Variants in TDRD7 observed in about 807,000 individuals in gnomAD.
TDRD7 encodes the protein tudor domain-containing protein 7.
TDRD7 carries 47 observed loss-of-function variants against 109.8 expected under a neutral mutation model. The ratio of observed to expected loss-of-function variants is 0.43; its 90% CI spans 0.34 to 0.55. TDRD7 has a LOEUF of 0.55. Ranked by LOEUF, TDRD7 falls within the 20% of genes least tolerant of loss-of-function variation. The probability of loss-of-function intolerance (pLI) is 0.03; values close to 1 mark genes in which losing one functional copy is unlikely to be tolerated. For missense variants in TDRD7, 1,164 were observed against 1,319.2 expected, an observed-to-expected ratio of 0.88 and a Z score of 1.82; for synonymous variants, 424 against 457.3, an observed-to-expected ratio of 0.93 and a Z score of 0.93.
rs909905047 is a variant in TDRD7, at chr9:97,481,247, A to G, written c.2412+309A>G. On this transcript the variant is annotated intron_variant, in intron 14 of 16. Transcript: ENST00000355295. ...TTCATGATAAGGGATTAAGTCCCCAACAGAGGGACCACAGATCTCTTGATA... is the reference window on the plus strand; with the variant it reads ...TTCATGATAAGGGATTAAGTCCCCAGCAGAGGGACCACAGATCTCTTGATA... 3.9e-5 allele frequency among the ~76,000 whole-genome samples: 6 copies of G among 152,242 alleles called. No homozygotes were observed. In the South Asian group the frequency reaches 1.2e-3, roughly 32 times the overall value.
chr9:97,435,661 A>G (rs918583910), intron 4 of TDRD7, among the ~76,000 whole-genome samples: 1 of 152,030 alleles, frequency 6.6e-6, no homozygotes, highest in Non-Finnish European at 1.5e-5. Flanking sequence ...TATTTTAATT[A>G]AAGACTGCTT....
At chr9:97,470,800 C>A in intron 9 of TDRD7, 131 bp downstream of exon 9, 1 of 688,628 alleles carries the variant, frequency 1.5e-6, no homozygotes, top group Non-Finnish European at 2.6e-6. Context: ...GGTTTAAATT[C>A]ATGTCGAATG....
intron 16 of TDRD7, among the ~76,000 whole-genome samples, chr9:97,494,351 T>C (rs1185774985): frequency 6.6e-6 from 1 of 152,234 alleles, no homozygotes; most frequent in Non-Finnish European, 1.5e-5. Context: ...GGGCATTCTT[T>C]GCATCAGTGC....
rs1255004464 is a variant in TDRD7 at position 97,412,559 on chromosome 9, A to G, written c.-7+321A>G. ...TCGGAAGCTCTGCGCCGTGGGGGAA[A>G]TGCAGCAGCGGGGTGTGGACGCGGG... is the stretch of plus-strand genomic sequence containing the variant. On this transcript the variant is annotated intron_variant, in intron 1 of 16. Transcript: ENST00000355295. The surrounding 1 kb of genome is among the most constrained non-coding windows in gnomAD (Gnocchi z 4.3). Among the ~76,000 whole-genome samples, 1 of 152,130 alleles carries G rather than the reference A, an allele frequency of 6.6e-6. No individual in the cohort carries two copies. The highest frequency in any genetic ancestry group is 2.4e-5 in the African/African-American group (1 of 41,422).
chr9:97,477,490 T>C (rs1453566899), intron 12 of TDRD7, among the ~76,000 whole-genome samples: 1 of 152,190 alleles, frequency 6.6e-6, no homozygotes, highest in Non-Finnish European at 1.5e-5. Flanking sequence ...TAAATTTAGG[T>C]TATGCATTTT....
intron 6 of TDRD7, among the ~76,000 whole-genome samples, chr9:97,448,637 T>G (rs1050448872): frequency 6.6e-6 from 1 of 152,192 alleles, no homozygotes; most frequent in Non-Finnish European, 1.5e-5. Flanking sequence ...TTCTTTGTTG[T>G]TTTTGTTTGT....
chr9:97,490,735 T>G (rs1056459456), intron 16 of TDRD7, among the ~76,000 whole-genome samples: 3 of 144,062 alleles, frequency 2.1e-5, no homozygotes, highest in Admixed American at 6.8e-5. Context: ...TTTTGTTCTG[T>G]TTTTTTTTTC....
intron 16 of TDRD7, among the ~76,000 whole-genome samples, chr9:97,491,455 A>G (rs750892741): frequency 6.6e-6 from 1 of 152,106 alleles, no homozygotes; most frequent in Non-Finnish European, 1.5e-5. Flanking sequence ...TATCACTTGT[A>G]GTTCTTTGTT....
intron 9 of TDRD7, among the ~76,000 whole-genome samples, chr9:97,471,530 A>G: frequency 6.6e-6 from 1 of 152,234 alleles, no homozygotes; most frequent in East Asian, 1.9e-4. Flanking sequence ...AGAAAAGTTC[A>G]AAGTTATATG....
At chr9:97,430,015 A>G (rs571782958) in intron 2 of TDRD7, among the ~76,000 whole-genome samples, 1 of 152,236 alleles carries the variant, frequency 6.6e-6, no homozygotes, top group Non-Finnish European at 1.5e-5. Flanking sequence ...TTCTTGTAAT[A>G]TAGTCTCAGA....
intron 16 of TDRD7, among the ~76,000 whole-genome samples, chr9:97,491,455 A>T (rs750892741): frequency 2.0e-5 from 3 of 152,106 alleles, no homozygotes; most frequent in Admixed American, 1.3e-4. Context: ...TATCACTTGT[A>T]GTTCTTTGTT....
intron 1 of TDRD7, among the ~76,000 whole-genome samples, chr9:97,425,004 C>G (rs1315630305): frequency 3.9e-5 from 6 of 152,046 alleles, no homozygotes; most frequent in Non-Finnish European, 8.8e-5. Flanking sequence ...TTATCATAGT[C>G]AGCTTTCAAA....
In TDRD7 at chr9:97,439,306, A is replaced by G; in HGVS notation, c.625A>G (p.Lys209Glu). Residue 209 changes from lysine to glutamate, a missense_variant, in exon 5 of 17, where the codon AAG becomes GAG. Coordinates refer to ENST00000355295, the MANE Select transcript of TDRD7 (RefSeq NM_014290.3). ...GATGCATCTCTCAAGAACCTCTACT[A>G]AGGAAATGAGTGGTATGTTTTCCAA... ...LQMHLSRTST[K>E]EMSDNLNQTV... 1 of 1,603,372 alleles carries G rather than the reference A, an allele frequency of 6.2e-7. No homozygotes were observed. The highest frequency in any genetic ancestry group is 1.7e-5 in the Admixed American group (1 of 59,948).
chr9:97,470,631 G>C lies in TDRD7; in HGVS notation c.1703G>C (p.Cys568Ser). The C allele has an allele frequency of 6.2e-7, 1 of 1,613,878 alleles. No homozygotes were observed. The change falls in exon 9 of 17, where the codon TGT (cysteine) becomes TCT (serine). Residue 568 changes from cysteine to serine, a missense_variant. Physicochemically the swap from Cys to Ser is moderately radical, Grantham distance 112 (BLOSUM62 -1). Around this residue, in one of 5 missense-constraint regions of TDRD7, gnomAD observed 261 missense variants for 336.2 expected, o/e 0.78. Coordinates refer to ENST00000355295, the MANE Select transcript of TDRD7 (RefSeq NM_014290.3). ...SKAYKLNPKF[C>S]SLSFQATKCK... ...GCATACAAATTAAACCCGAAGTTTT[G>C]TTCACTCTCATTTCAAGCTACAAAA...
intron 4 of TDRD7, among the ~76,000 whole-genome samples, chr9:97,432,909 A>G (rs927413306): frequency 7.9e-5 from 12 of 152,212 alleles, no homozygotes; most frequent in Admixed American, 4.6e-4. Context: ...TTATTAGAAC[A>G]TGGCCATTTT....
chr9:97,435,995 C>T (rs576217168), intron 4 of TDRD7, among the ~76,000 whole-genome samples: 2 of 152,108 alleles, frequency 1.3e-5, no homozygotes, highest in Non-Finnish European at 2.9e-5. Context: ...CATACATAAT[C>T]TCGTGCCAGT....
chr9:97,450,497 G>C (rs1828472452), intron 6 of TDRD7, among the ~76,000 whole-genome samples: 1 of 152,154 alleles, frequency 6.6e-6, no homozygotes, highest in Admixed American at 6.5e-5. Flanking sequence ...GTTTCAAGTA[G>C]ATGTTGGCTT....
In TDRD7 at chr9:97,461,296, A is replaced by T. The variant is rs111470543; in HGVS notation, c.1442+532A>T. ...ATGATAATATGAACTTGAAAAAAAG[A>T]TTCATGTCAAAAGCTTGTTGGTAAC... On this transcript the variant is annotated intron_variant, in intron 7 of 16. Transcript: ENST00000355295. 8.2e-3 allele frequency among the ~76,000 whole-genome samples: 1,253 copies of T among 152,358 alleles called. 43 individuals are homozygous for T. The East Asian group carries it at 0.11, about 13-fold the overall frequency.
intron 6 of TDRD7, among the ~76,000 whole-genome samples, chr9:97,457,383 T>C (rs1005890253): frequency 6.6e-6 from 1 of 151,830 alleles, no homozygotes; most frequent in African/African-American, 2.4e-5. Flanking sequence ...CAAATATATA[T>C]ATATTTTTTT....
Sources: gnomAD v4.1 joint callset for allele counts (sites outside exome capture counted in the v4.1 genomes callset) on GRCh38, gnomAD v4.1.1 for gene constraint, gnomAD v4.1.1 regional missense constraint, Gnocchi (gnomAD v3.1) non-coding constraint, MANE v1.5 for transcripts, NCBI Gene and HGNC (gene_info 2026-07-23, HGNC 2026-07-21) for gene names.